CLINT1: variants seen among roughly 807,000 people sequenced by gnomAD.
The protein encoded by CLINT1 is clathrin interacting protein localized in the trans-Golgi region.
Under a neutral mutation model 70.4 loss-of-function variants are expected in CLINT1, and 15 were observed. The observed-to-expected ratio is 0.21, with a 90% CI of 0.14 to 0.33. The LOEUF is 0.33. Ranked by LOEUF, CLINT1 falls within the 10% of genes least tolerant of loss-of-function variation. The probability of loss-of-function intolerance (pLI) is 1.00; values close to 1 mark genes in which losing one functional copy is unlikely to be tolerated. For synonymous variants in CLINT1, 227 were observed against 254.7 expected (o/e 0.89, Z 1.04); for missense variants, 615 against 778.1 (o/e 0.79, Z 2.49).
At chr5:157,836,608 C>T (rs1763432993) in intron 1 of CLINT1, among the ~76,000 whole-genome samples, 1 of 152,174 alleles carries the variant, frequency 6.6e-6, no homozygotes, top group African/African-American at 2.4e-5. Flanking sequence ...ACCCAAACTC[C>T]ACACAGTGGC....
intron 5 of CLINT1, among the ~76,000 whole-genome samples, chr5:157,810,561 G>T (rs139183096): frequency 6.6e-6 from 1 of 152,092 alleles, no homozygotes; most frequent in Non-Finnish European, 1.5e-5. Context: ...AGAATAGATC[G>T]TGGCAGTAAA....
chr5:157,787,839 C>T lies in CLINT1; in HGVS notation c.1685G>A (p.Gly562Glu). Residue 562 changes from glycine to glutamate, a missense_variant, in exon 12 of 12, where the codon GGA (glycine) becomes GAA (glutamate). Around this residue, in one of 2 missense-constraint regions of CLINT1, gnomAD observed 374 missense variants for 409.6 expected, o/e 0.91. Coordinates refer to ENST00000411809, the MANE Select transcript of CLINT1 (RefSeq NM_014666.4). Reference protein sequence around the residue: ...SMPNVMTGTMGMAPLGNTPMM... With the variant: ...SMPNVMTGTMEMAPLGNTPMM... Reference sequence around the variant, plus strand: ...CGGAGTATTTCCAAGAGGGGCCATTCCCATGGTGCCAGTCATCACATTGGG... The same window carrying T: ...CGGAGTATTTCCAAGAGGGGCCATTTCCATGGTGCCAGTCATCACATTGGG... 1 of 1,613,922 alleles carries T rather than the reference C, an allele frequency of 6.2e-7. No individual in the cohort carries two copies. The highest frequency in any genetic ancestry group is 8.5e-7 in the Non-Finnish European group (1 of 1,179,866).
chr5:157,844,678 T>C (rs1378448352), intron 1 of CLINT1, among the ~76,000 whole-genome samples: 4 of 152,080 alleles, frequency 2.6e-5, no homozygotes, highest in African/African-American at 9.7e-5. Context: ...ATAAGAAAAA[T>C]TGGAAAAAGT....
chr5:157,805,280 C>T (rs1224241536), intron 7 of CLINT1, among the ~76,000 whole-genome samples: 1 of 152,196 alleles, frequency 6.6e-6, no homozygotes, highest in African/African-American at 2.4e-5. Flanking sequence ...TGAGGCAAAT[C>T]TCCCTATTTG....
intron 1 of CLINT1, among the ~76,000 whole-genome samples, chr5:157,833,079 G>A (rs947037504): frequency 6.6e-6 from 1 of 152,112 alleles, no homozygotes; most frequent in African/African-American, 2.4e-5. Context: ...GGCCAGGCGC[G>A]GTGGCTCACT....
intron 1 of CLINT1, among the ~76,000 whole-genome samples, chr5:157,834,254 T>C (rs1763343371): frequency 6.6e-6 from 1 of 152,120 alleles, no homozygotes; most frequent in Non-Finnish European, 1.5e-5. Flanking sequence ...TAGCCCCAGC[T>C]ACGCAGGAGG....
At chr5:157,857,732 A>G (rs1463320886) in intron 1 of CLINT1, among the ~76,000 whole-genome samples, 1 of 152,200 alleles carries the variant, frequency 6.6e-6, no homozygotes, top group Non-Finnish European at 1.5e-5. Context: ...CCAGCTTTGC[A>G]GGTTCTGAAA....
At chr5:157,849,977 C>T (rs184451720) in intron 1 of CLINT1, among the ~76,000 whole-genome samples, 6 of 152,254 alleles carry the variant, frequency 3.9e-5, no homozygotes, top group Admixed American at 3.9e-4. Context: ...GAGATGAATA[C>T]ATGTAACAGA....
chr5:157,830,751 T>TCC (rs1763199982), intron 1 of CLINT1, among the ~76,000 whole-genome samples: 3 of 110,372 alleles, frequency 2.7e-5, no homozygotes, highest in Admixed American at 9.9e-5. Flanking sequence ...CCCCTCCCTC[T>TCC]CTCTCCCTCT....
chr5:157,826,662 T>A (rs1196004812), intron 1 of CLINT1, among the ~76,000 whole-genome samples: 6 of 152,170 alleles, frequency 3.9e-5, no homozygotes, highest in African/African-American at 1.4e-4. Context: ...AAATTATAAA[T>A]TTCCTGTGTC....
chr5:157,840,922 C>T (rs751010791), intron 1 of CLINT1, among the ~76,000 whole-genome samples: 1 of 151,754 alleles, frequency 6.6e-6, no homozygotes, highest in African/African-American at 2.4e-5. Flanking sequence ...TTTTAATATG[C>T]CTCAATAAGT....
Position 157,787,717 on chromosome 5 carries a change from T to C in CLINT1, c.1807A>G (p.Ile603Val), listed in dbSNP as rs1173458780. Residue 603 changes from isoleucine (I) to valine (V), a missense_variant, in exon 12 of 12, where the codon ATA (isoleucine) becomes GTA (valine). By Grantham distance (29) the Ile-to-Val change is conservative. Around this residue, in one of 2 missense-constraint regions of CLINT1, gnomAD observed 374 missense variants for 409.6 expected, o/e 0.91. Transcript: ENST00000411809. ...TGTMGMGMPN[I>V]AMTSGTVQPK... ...TGCACAGTTCCAGAAGTCATGGCTA[T>C]GTTGGGCATGCCCATTCCCATTGTG... is the stretch of plus-strand genomic sequence containing the variant. The C allele has an allele frequency of 1.2e-6, 2 of 1,614,064 alleles. No homozygotes were observed. Among genetic ancestry groups the C allele is most frequent in the African/African-American group, 1.3e-5 (1 of 75,072 alleles).
At position 157,839,635 on chromosome 5, in the gene CLINT1, A is replaced by AC. The variant is rs1554102217; in HGVS notation, c.41+19294dup. 2.6e-5 allele frequency among the ~76,000 whole-genome samples: 4 copies of AC among 151,198 alleles called. No homozygotes were observed. In the South Asian group the frequency reaches 6.3e-4, roughly 24 times the overall value. The stretch of plus-strand genomic sequence containing the variant: ...AAAAAAAAAAAACAAACAAAAAAAA[A>AC]CAGAACTTTGTCCCATGTGCCAACT... On this transcript the variant is annotated intron_variant, in intron 1 of 11. Coordinates refer to ENST00000411809, the MANE Select transcript of CLINT1 (RefSeq NM_014666.4).
intron 1 of CLINT1, among the ~76,000 whole-genome samples, chr5:157,849,727 C>A (rs1753505591): frequency 6.6e-6 from 1 of 152,174 alleles, no homozygotes; most frequent in African/African-American, 2.4e-5. Context: ...TTGAACATAA[C>A]AATGTTGTCA....
rs550292968 is a variant in CLINT1 at position 157,803,510 on chromosome 5, A to G, written c.1012+140T>C. On this transcript the variant is annotated intron_variant, in intron 8 of 11. Transcript: ENST00000411809. ...AAGCAAAAATAACACAATGATTCCA[A>G]ATAATGCTCAAGACTCACTAATTTC... is the stretch of plus-strand genomic sequence containing the variant. 4.4e-4 allele frequency: 228 copies of G among 517,510 alleles called. 2 individuals carry two copies. The highest frequency in any genetic ancestry group is 3.1e-3 in the Admixed American group (77 of 24,692). 32.1% of individuals were successfully genotyped at this position (517,510 alleles called of 1,614,324 possible). A position where few individuals can be genotyped will look rare whatever the true frequency, so the allele number is the denominator to read the frequency against.
intron 1 of CLINT1, among the ~76,000 whole-genome samples, chr5:157,851,709 T>TGAAATATTC (rs1554103311): frequency 7.3e-6 from 1 of 136,420 alleles, no homozygotes; most frequent in South Asian, 2.3e-4. Flanking sequence ...AAAAAAGAAA[T>TGAAATATTC]GAAATATTCT....
chr5:157,842,691 T>C (rs185705286), intron 1 of CLINT1, among the ~76,000 whole-genome samples: 2 of 152,332 alleles, frequency 1.3e-5, no homozygotes, highest in Non-Finnish European at 2.9e-5. Context: ...ACATTATCTA[T>C]TCCAGTACAA....
chr5:157,823,254 T>C (rs1145589), intron 1 of CLINT1, among the ~76,000 whole-genome samples: 20,357 of 152,148 alleles, frequency 0.13, 1,793 homozygotes, highest in African/African-American at 0.25. Flanking sequence ...TTTTAAATAA[T>C]GTTTTTCTTT....
At position 157,786,909 on chromosome 5, in the gene CLINT1, C is replaced by A. The variant is rs1240854400; in HGVS notation, c.*737G>T. ...GCTAAAAACAAACAGAAGTTTTTTT[C>A]TTTTAAAGGAAACCATAGAGCAGTC... On this transcript the variant is annotated 3_prime_UTR_variant, in exon 12 of 12. Coordinates refer to ENST00000411809, the MANE Select transcript of CLINT1 (RefSeq NM_014666.4). 6.6e-6 allele frequency: 1 copy of A among 152,112 alleles called. No individual in the cohort carries two copies. Among genetic ancestry groups the A allele is most frequent in the East Asian group, 1.9e-4 (1 of 5,184 alleles). 9.4% of individuals were successfully genotyped at this position (152,112 alleles called of 1,614,324 possible).
Sources: allele counts gnomAD v4.1 joint callset (sites outside exome capture counted in the v4.1 genomes callset), GRCh38; gene constraint gnomAD v4.1.1; regional missense constraint gnomAD v4.1.1; transcripts MANE v1.5; gene names NCBI Gene and HGNC (gene_info 2026-07-23, HGNC 2026-07-21).